SLC44A5: variants seen among roughly 807,000 people sequenced by gnomAD.
SLC44A5 encodes the protein choline transporter-like protein 5.
A neutral mutation model predicts 101.8 loss-of-function variants in SLC44A5; 57 were observed. The ratio of observed to expected loss-of-function variants is 0.56; its 90% CI spans 0.45 to 0.70. SLC44A5 has a LOEUF of 0.70. Among genes scored for constraint, SLC44A5 ranks in the 30% least tolerant of loss-of-function variants. The pLI is 0.00. For missense variants in SLC44A5, 737 were observed against 853.1 expected (o/e 0.86, Z 1.70); for synonymous variants, 281 against 290.9 (o/e 0.97, Z 0.35).
chr1:75,579,258 A>C (rs1362172594), intron 1 of SLC44A5, among the ~76,000 whole-genome samples: 5 of 152,212 alleles, frequency 3.3e-5, no homozygotes, highest in Admixed American at 3.3e-4. Flanking sequence ...TTGACTAATC[A>C]GCTGAACTTG....
intron 2 of SLC44A5, among the ~76,000 whole-genome samples, chr1:75,516,375 G>A (rs1022162481): frequency 1.3e-5 from 2 of 152,040 alleles, no homozygotes; most frequent in South Asian, 2.1e-4. Context: ...TTAGCCGGGC[G>A]TGGTGGTGGC....
intron 13 of SLC44A5, among the ~76,000 whole-genome samples, chr1:75,227,224 G>A: frequency 6.6e-6 from 1 of 151,984 alleles, no homozygotes; most frequent in African/African-American, 2.4e-5. Flanking sequence ...AATTAGCCAG[G>A]CATGGTGGCA....
At chr1:75,309,226 T>C (rs1427028640) in intron 4 of SLC44A5, among the ~76,000 whole-genome samples, 2 of 152,202 alleles carry the variant, frequency 1.3e-5, no homozygotes, top group African/African-American at 4.8e-5. Flanking sequence ...GGGGGATTAC[T>C]TAAAGCTAGG....
At chr1:75,240,668 G>C (rs1432807278) in intron 9 of SLC44A5, among the ~76,000 whole-genome samples, 1 of 152,058 alleles carries the variant, frequency 6.6e-6, no homozygotes, top group African/African-American at 2.4e-5. Flanking sequence ...TTATGACCCA[G>C]GGAAGAGTGA....
chr1:75,499,651 T>C (rs1668851812), intron 2 of SLC44A5, among the ~76,000 whole-genome samples: 1 of 152,250 alleles, frequency 6.6e-6, no homozygotes, highest in Admixed American at 6.5e-5. Flanking sequence ...ACAGGAACTT[T>C]TAGCTGGAGC....
rs545419849 is a variant in SLC44A5 at position 75,518,622 on chromosome 1, T to C, written c.13+22813A>G. 2.0e-5 allele frequency among the ~76,000 whole-genome samples: 3 copies of C among 152,364 alleles called. No individual in the cohort carries two copies. The East Asian group carries it at 5.8e-4, about 29-fold the overall frequency. On this transcript the variant is annotated intron_variant, in intron 2 of 23. Transcript: ENST00000370859. ...CAACATACGATATAATTAAACTTGT[T>C]TTCTTTGGAGTAATGTCATTAGAAG... is the stretch of plus-strand genomic sequence containing the variant.
chr1:75,431,450 T>C (rs1222356785), intron 2 of SLC44A5, among the ~76,000 whole-genome samples: 4 of 152,210 alleles, frequency 2.6e-5, no homozygotes, highest in Non-Finnish European at 2.9e-5. Flanking sequence ...ATGTGAGATA[T>C]GAAATCATTA....
At chr1:75,271,832 A>C (rs1651505212) in intron 6 of SLC44A5, among the ~76,000 whole-genome samples, 1 of 152,164 alleles carries the variant, frequency 6.6e-6, no homozygotes, top group Non-Finnish European at 1.5e-5. Context: ...GTAGATACCC[A>C]GTAATGGGAT....
intron 1 of SLC44A5, among the ~76,000 whole-genome samples, chr1:75,593,817 G>C (rs759105036): frequency 1.3e-5 from 2 of 151,888 alleles, no homozygotes; most frequent in African/African-American, 2.4e-5. Flanking sequence ...TAGAGAGTAG[G>C]AGTTACCAAA....
rs1557567034 is a variant in SLC44A5, at chr1:75,242,068, TAGAA to T, written c.472-11_472-8del. On this transcript the variant is annotated splice_region_variant and splice_polypyrimidine_tract_variant and intron_variant, in intron 8 of 23. Coordinates refer to ENST00000370859, the MANE Select transcript of SLC44A5 (RefSeq NM_001130058.2). Reference sequence around the variant, plus strand: ...GTAAAAGCTGTGTGAGAGACTAAAATAGAAGGAAGAACGTTAACATTTCAAAGGC... The same window carrying T: ...GTAAAAGCTGTGTGAGAGACTAAAATGGAAGAACGTTAACATTTCAAAGGC... 5 of 1,610,548 alleles carry T rather than the reference TAGAA, an allele frequency of 3.1e-6. No homozygotes were observed. The highest frequency in any genetic ancestry group is 4.2e-6 in the Non-Finnish European group (5 of 1,177,482).
At chr1:75,547,177 C>T (rs2587032) in intron 1 of SLC44A5, among the ~76,000 whole-genome samples, 25,002 of 152,086 alleles carry the variant, frequency 0.16, 2,238 homozygotes, top group Admixed American at 0.24. Context: ...AGACCATCCA[C>T]ATCAATTTCC....
chr1:75,532,321 G>A (rs554617765), intron 2 of SLC44A5, among the ~76,000 whole-genome samples: 4 of 152,134 alleles, frequency 2.6e-5, no homozygotes, highest in Admixed American at 6.6e-5. Context: ...ACACTTGCAC[G>A]TTACTTCAGT....
intron 2 of SLC44A5, among the ~76,000 whole-genome samples, chr1:75,453,446 A>T (rs1254238858): frequency 6.6e-6 from 1 of 152,158 alleles, no homozygotes; most frequent in Non-Finnish European, 1.5e-5. Flanking sequence ...AAGATCTCAA[A>T]TTAATAATCT....
upstream of SLC44A5, among the ~76,000 whole-genome samples, chr1:75,614,419 G>T (rs1303443379): frequency 6.6e-6 from 1 of 152,164 alleles, no homozygotes; most frequent in South Asian, 2.1e-4. Flanking sequence ...AAAGTCCCAG[G>T]TGTTTTCATA....
chr1:75,380,877 A>G (rs1418837824), intron 3 of SLC44A5, among the ~76,000 whole-genome samples: 1 of 82,202 alleles, frequency 1.2e-5, no homozygotes, highest in Non-Finnish European at 2.1e-5. Context: ...AACCTGAGGA[A>G]GAAGGGATGA....
chr1:75,436,450 A>G (rs1345129708), intron 2 of SLC44A5, among the ~76,000 whole-genome samples: 1 of 152,188 alleles, frequency 6.6e-6, no homozygotes, highest in African/African-American at 2.4e-5. Context: ...ATCTAAACAG[A>G]AAAGGTACAG....
At chr1:75,246,990 A>G (rs1053549924) in intron 7 of SLC44A5, among the ~76,000 whole-genome samples, 4 of 152,050 alleles carry the variant, frequency 2.6e-5, no homozygotes, top group African/African-American at 9.7e-5. Context: ...TTTTCATATA[A>G]GTAACTTGGG....
At chr1:75,478,578 CAAAA>C (rs1374698351) in intron 2 of SLC44A5, among the ~76,000 whole-genome samples, 2 of 151,102 alleles carry the variant, frequency 1.3e-5, no homozygotes, top group Admixed American at 6.6e-5. Context: ...AAATGGAAAA[CAAAA>C]AAAGGCAGGG....
intron 1 of SLC44A5, among the ~76,000 whole-genome samples, chr1:75,591,969 C>G (rs1306851450): frequency 1.3e-5 from 2 of 152,082 alleles, no homozygotes; most frequent in Admixed American, 6.6e-5. Flanking sequence ...AGATATGGGA[C>G]ATGACAAGGA....
Sources: gnomAD v4.1 joint callset for allele counts (sites outside exome capture counted in the v4.1 genomes callset) on GRCh38, gnomAD v4.1.1 for gene constraint, MANE v1.5 for transcripts, NCBI Gene and HGNC (gene_info 2026-07-23, HGNC 2026-07-21) for gene names.